Variants in IMMP2L observed in about 807,000 individuals in gnomAD.
IMMP2L encodes the protein mitochondrial inner membrane protease subunit 2.
In IMMP2L, 18 loss-of-function variants were observed where a neutral mutation model predicts 19.3. The observed-to-expected ratio is 0.93, with a 90% CI of 0.64 to 1.38. The LOEUF (loss-of-function observed/expected upper bound fraction) is 1.38. IMMP2L is among the 40% of genes most tolerant of loss of function. The pLI is 0.00. For missense variants in IMMP2L, 233 were observed against 218.2 expected, an observed-to-expected ratio of 1.07 and a Z score of -0.43; for synonymous variants, 76 against 73.0, an observed-to-expected ratio of 1.04 and a Z score of -0.21.
chr7:110,996,902 A>G (rs1018551321), intron 3 of IMMP2L, among the ~76,000 whole-genome samples: 3 of 152,018 alleles, frequency 2.0e-5, no homozygotes, highest in African/African-American at 7.2e-5. Context: ...GTGTGTGTGT[A>G]TGTATGCGTT....
chr7:110,836,772 T>C (rs1804526273), intron 5 of IMMP2L, among the ~76,000 whole-genome samples: 1 of 152,188 alleles, frequency 6.6e-6, no homozygotes, highest in Non-Finnish European at 1.5e-5. Flanking sequence ...AGGTGGCTGA[T>C]GTGGTATAAT....
chr7:111,227,766 T>C (rs1562948088), intron 3 of IMMP2L, among the ~76,000 whole-genome samples: 1 of 152,170 alleles, frequency 6.6e-6, no homozygotes, highest in African/African-American at 2.4e-5. Context: ...TTTCAACATT[T>C]AACATTTTAT....
At chr7:111,380,349 G>A (rs1248431356) in intron 3 of IMMP2L, among the ~76,000 whole-genome samples, 2 of 151,844 alleles carry the variant, frequency 1.3e-5, no homozygotes, top group South Asian at 2.1e-4. Context: ...GATAATGATC[G>A]TTTGTCAAAA....
intron 3 of IMMP2L, among the ~76,000 whole-genome samples, chr7:111,029,961 A>C (rs940971286): frequency 6.6e-6 from 1 of 152,214 alleles, no homozygotes; most frequent in Non-Finnish European, 1.5e-5. Context: ...GCAGTCACTT[A>C]AATGAGACAG....
At chr7:110,812,159 G>A (rs1357759463) in intron 5 of IMMP2L, among the ~76,000 whole-genome samples, 1 of 152,068 alleles carries the variant, frequency 6.6e-6, no homozygotes, top group African/African-American at 2.4e-5. Flanking sequence ...TATAGGAAGT[G>A]AATCTCTTTT....
intron 3 of IMMP2L, among the ~76,000 whole-genome samples, chr7:111,056,215 G>A (rs1793496068): frequency 6.6e-6 from 1 of 152,094 alleles, no homozygotes; most frequent in Non-Finnish European, 1.5e-5. Context: ...TAACACAAAT[G>A]CAGTCTTTAT....
At chr7:110,868,533 A>G (rs1345453654) in intron 5 of IMMP2L, among the ~76,000 whole-genome samples, 1 of 152,134 alleles carries the variant, frequency 6.6e-6, no homozygotes, top group Admixed American at 6.6e-5. Context: ...AACCTGCTCT[A>G]GTCTAATCTA....
chr7:111,193,528 T>C (rs1464499507), intron 3 of IMMP2L, among the ~76,000 whole-genome samples: 1 of 151,896 alleles, frequency 6.6e-6, no homozygotes. Context: ...TTAAAGAAAA[T>C]ATAGTTCTTA....
At chr7:111,243,061 G>C (rs1815325358) in intron 3 of IMMP2L, among the ~76,000 whole-genome samples, 1 of 151,954 alleles carries the variant, frequency 6.6e-6, no homozygotes. Flanking sequence ...ATGTCTGAAG[G>C]TGAAAAATAT....
chr7:111,231,066 A>G (rs1813667374), intron 3 of IMMP2L, among the ~76,000 whole-genome samples: 1 of 151,392 alleles, frequency 6.6e-6, no homozygotes, highest in Admixed American at 6.6e-5. Context: ...ACATATAAAC[A>G]AAAAGAAAGC....
intron 3 of IMMP2L, among the ~76,000 whole-genome samples, chr7:111,224,516 A>G (rs1243027961): frequency 1.3e-5 from 2 of 152,064 alleles, no homozygotes; most frequent in African/African-American, 4.8e-5. Context: ...CTCAAGTAGT[A>G]AACTAAATGA....
intron 3 of IMMP2L, among the ~76,000 whole-genome samples, chr7:111,237,564 A>G (rs1333295874): frequency 6.6e-6 from 1 of 152,002 alleles, no homozygotes; most frequent in Non-Finnish European, 1.5e-5. Flanking sequence ...TATTTAGGCA[A>G]GATTTAAAAA....
intron 3 of IMMP2L, among the ~76,000 whole-genome samples, chr7:111,352,582 C>G (rs1463037125): frequency 6.6e-6 from 1 of 152,046 alleles, no homozygotes; most frequent in Non-Finnish European, 1.5e-5. Flanking sequence ...AAAACATAAT[C>G]TAGTCATTTC....
intron 3 of IMMP2L, among the ~76,000 whole-genome samples, chr7:110,974,918 C>T (rs1229802527): frequency 1.3e-5 from 2 of 152,066 alleles, no homozygotes; most frequent in African/African-American, 4.8e-5. Flanking sequence ...TTGTAAACAT[C>T]TCATCTTTTA....
At chr7:111,200,009 T>TC (rs1432708310) in intron 3 of IMMP2L, among the ~76,000 whole-genome samples, 2 of 152,092 alleles carry the variant, frequency 1.3e-5, no homozygotes, top group Non-Finnish European at 2.9e-5. Flanking sequence ...TTTATATCCT[T>TC]CACAACTCTC....
chr7:111,077,393 G>A (rs1219504925), intron 3 of IMMP2L, among the ~76,000 whole-genome samples: 2 of 152,116 alleles, frequency 1.3e-5, no homozygotes, highest in African/African-American at 4.8e-5. Context: ...TCGGAATCCC[G>A]CCTCTCACTT....
In IMMP2L at chr7:110,929,505, T is replaced by C. The variant is rs555780402; in HGVS notation, c.305+33995A>G. Among the ~76,000 whole-genome samples the C allele has an allele frequency of 5.9e-5, 9 of 152,312 alleles. No individual in the cohort carries two copies. The South Asian group carries it at 1.4e-3, about 25-fold the overall frequency. On this transcript the variant is annotated intron_variant, in intron 4 of 5. Transcript: ENST00000405709. ...TGCTTTATAGTTCATAAAGCACTTG[T>C]GCATTAATCATATAGAAAGAAGTTG... is the stretch of plus-strand genomic sequence containing the variant.
In IMMP2L at chr7:111,405,646, C is replaced by T. The variant is rs567397816; in HGVS notation, c.239+81592G>A. 1.4e-4 allele frequency among the ~76,000 whole-genome samples: 21 copies of T among 152,118 alleles called. 1 individual carries two copies. In the South Asian group the frequency reaches 4.2e-3, roughly 30 times the overall value. On this transcript the variant is annotated intron_variant, in intron 3 of 5. Transcript: ENST00000405709. ...ACATAAATGATAACCTAATCACATT[C>T]TCTGAGTTTCCCTCCTAGGTCACTG... is the stretch of plus-strand genomic sequence containing the variant.
intron 5 of IMMP2L, among the ~76,000 whole-genome samples, chr7:110,763,811 T>C (rs999422416): frequency 6.6e-6 from 1 of 152,126 alleles, no homozygotes; most frequent in Non-Finnish European, 1.5e-5. Context: ...GAATATTTTA[T>C]ATATGGAGCT....
Sources: allele counts gnomAD v4.1 joint callset (sites outside exome capture counted in the v4.1 genomes callset), GRCh38; gene constraint gnomAD v4.1.1; transcripts MANE v1.5; gene names NCBI Gene and HGNC (gene_info 2026-07-23, HGNC 2026-07-21).